Variants in ADA observed in about 807,000 individuals in gnomAD.
ADA encodes adenosine aminohydrolase.
A neutral mutation model predicts 49.0 loss-of-function variants in ADA; 45 were observed. That is an observed-to-expected ratio of 0.92 (90% CI 0.72 to 1.18). ADA has a LOEUF of 1.18. Among genes scored for constraint, ADA ranks in the 50% most tolerant of loss-of-function variants. The pLI is 0.00. For missense variants in ADA, 445 were observed against 472.5 expected (o/e 0.94, Z 0.54); for synonymous variants, 173 against 184.2 (o/e 0.94, Z 0.49).
At position 44,621,048 on chromosome 20, in the gene ADA, C is replaced by T. The variant is rs889823379; in HGVS notation, c.945G>A (p.Met315Ile). 11 of 1,613,998 alleles carry T rather than the reference C, an allele frequency of 6.8e-6. No homozygotes were observed. The African/African-American group carries it at 1.5e-4, about 22-fold the overall frequency. The change falls in exon 10 of 12, where the codon ATG (methionine) becomes ATA (isoleucine). Residue 315 changes from methionine (M) to isoleucine (I), a missense_variant. Physicochemically the swap from Met to Ile is conservative, Grantham distance 10 (BLOSUM62 1). Transcript: ENST00000372874. ...DTDYQMTKRD[M>I]GFTEEEFKRL... ...TTTTAAACTCCTCTTCAGTAAAGCCCATGTCCCGTTTGGTCATCTGGTAAT... is the reference window on the plus strand; with the variant it reads ...TTTTAAACTCCTCTTCAGTAAAGCCTATGTCCCGTTTGGTCATCTGGTAAT...
chr20:44,624,309 C>G lies in ADA; in HGVS notation c.499G>C (p.Glu167Gln). 6.2e-7 allele frequency: 1 copy of G among 1,613,840 alleles called. No individual in the cohort carries two copies. The highest frequency in any genetic ancestry group is 8.5e-7 in the Non-Finnish European group (1 of 1,179,938). Reference protein sequence around the residue: ...HQPNWSPKVVELCKKYQQQTV... With the variant: ...HQPNWSPKVVQLCKKYQQQTV... The stretch of plus-strand genomic sequence containing the variant: ...TGCTGCTGGTACTTCTTACACAGCT[C>G]CACCACCTTGGGGGACCAGTCTGTG... Residue 167 changes from glutamate to glutamine, a missense_variant, in exon 6 of 12, where the codon GAG becomes CAG. By Grantham distance (29) the Glu-to-Gln change is conservative. Transcript: ENST00000372874.
At chr20:44,630,149 A>G (rs1275708728) in intron 2 of ADA, among the ~76,000 whole-genome samples, 3 of 152,084 alleles carry the variant, frequency 2.0e-5, no homozygotes. Flanking sequence ...GATTGAGACT[A>G]TCCTGGCCAA....
At position 44,619,641 on chromosome 20, in the gene ADA, G is replaced by A; in HGVS notation, c.*193C>T. On this transcript the variant is annotated 3_prime_UTR_variant, in exon 12 of 12. Transcript: ENST00000372874. ...GCAAGGGCGCTGGTCCCTGGCCAGG[G>A]CACATAATCAGAGAAGTGACGCGGC... 2 of 690,922 alleles carry A rather than the reference G, an allele frequency of 2.9e-6. No individual in the cohort carries two copies. Among genetic ancestry groups the A allele is most frequent in the Non-Finnish European group, 5.0e-6 (2 of 399,048 alleles). The allele number at this position is 690,922 out of a possible 1,614,324, so 42.8% of individuals were successfully genotyped here.
intron 8 of ADA, 43 bp from the exon 9 acceptor site, chr20:44,622,695 A>G (rs764386125): frequency 1.9e-6 from 3 of 1,613,546 alleles, no homozygotes; most frequent in Non-Finnish European, 2.5e-6. Context: ...GCCCCAGGCC[A>G]TGCTGATTCC....
intron 1 of ADA, among the ~76,000 whole-genome samples, chr20:44,647,233 G>A (rs774931710): frequency 5.3e-5 from 8 of 151,938 alleles, no homozygotes; most frequent in Non-Finnish European, 7.4e-5. Context: ...TCGGGAGTTC[G>A]AGACCAGCCT....
At chr20:44,636,946 T>C (rs2065486367) in intron 1 of ADA, among the ~76,000 whole-genome samples, 3 of 152,094 alleles carry the variant, frequency 2.0e-5, no homozygotes, top group East Asian at 1.9e-4. Flanking sequence ...GCTGGGACTA[T>C]AGGCAGGTGC....
chr20:44,623,773 G>T, intron 6 of ADA, among the ~76,000 whole-genome samples: 1 of 141,228 alleles, frequency 7.1e-6, no homozygotes, highest in Admixed American at 7.1e-5. Context: ...TTTGAGACAG[G>T]GTCTCCCTCT....
chr20:44,642,667 G>A (rs562807290), intron 1 of ADA, among the ~76,000 whole-genome samples: 48 of 152,156 alleles, frequency 3.2e-4, no homozygotes, highest in Admixed American at 5.9e-4. Context: ...GTGTTAAATC[G>A]GAGAGTCCCC....
At chr20:44,621,946 C>T (rs1219968719) in intron 9 of ADA, among the ~76,000 whole-genome samples, 8 of 152,358 alleles carry the variant, frequency 5.3e-5, no homozygotes, top group Admixed American at 1.3e-4. Flanking sequence ...GTCATCAGAA[C>T]ATCAGAGCCG....
In ADA at chr20:44,624,201, C is replaced by A. The variant is rs747762398; in HGVS notation, c.606+1G>T. On this transcript the variant is annotated splice_donor_variant, in intron 6 of 11. Coordinates refer to ENST00000372874, the MANE Select transcript of ADA (RefSeq NM_000022.4). LOFTEE classifies it high-confidence loss of function. ...TCTCCATTCCTTCTCACAGGACCCA[C>A]CTGGTAGGCCTGGACATGTCCAGGC... is the stretch of plus-strand genomic sequence containing the variant. 6.2e-7 allele frequency: 1 copy of A among 1,610,296 alleles called. No homozygotes were observed. The highest frequency in any genetic ancestry group is 1.3e-5 in the African/African-American group (1 of 74,974).
rs141234930 is a variant in ADA at position 44,628,381 on chromosome 20, G to A, written c.218+666C>T. Among the ~76,000 whole-genome samples, 636 of 152,206 alleles carry A rather than the reference G, an allele frequency of 4.2e-3. 10 individuals carry two copies. Among genetic ancestry groups the A allele is most frequent in the African/African-American group, 0.015 (602 of 41,514 alleles). ...CTCTACTAAAAATACAAAACCATTA[G>A]TTGGGTGTGATGGTGGGTGCCTGTG... is the stretch of plus-strand genomic sequence containing the variant. On this transcript the variant is annotated intron_variant, in intron 3 of 11. Transcript: ENST00000372874.
chr20:44,627,540 A>G (rs1456793258), intron 3 of ADA, among the ~76,000 whole-genome samples: 1 of 152,150 alleles, frequency 6.6e-6, no homozygotes, highest in Non-Finnish European at 1.5e-5. Flanking sequence ...TTTTTCTCCC[A>G]GGTCCTTATC....
intron 1 of ADA, among the ~76,000 whole-genome samples, chr20:44,640,203 T>C (rs942511566): frequency 3.3e-5 from 5 of 152,032 alleles, no homozygotes; most frequent in Non-Finnish European, 7.4e-5. Context: ...CACTTGAGGT[T>C]AGGAGTTCAA....
chr20:44,621,199 T>C (rs1568842598), intron 9 of ADA, 52 bp from the exon 10 acceptor site: 7 of 1,612,056 alleles, frequency 4.3e-6, no homozygotes, highest in Middle Eastern at 1.7e-4. Flanking sequence ...CTTACATAAA[T>C]AGTCAGAACA....
At chr20:44,646,897 G>A (rs374627913) in intron 1 of ADA, among the ~76,000 whole-genome samples, 64 of 152,134 alleles carry the variant, frequency 4.2e-4, no homozygotes, top group African/African-American at 1.5e-3. Context: ...TAGCTCTGCT[G>A]CTTGCCAGCT....
chr20:44,626,958 C>T (rs183408486), intron 3 of ADA, among the ~76,000 whole-genome samples: 5 of 152,228 alleles, frequency 3.3e-5, no homozygotes, highest in East Asian at 1.9e-4. Flanking sequence ...CTTCCTGCCA[C>T]GGAGAGTGAC....
intron 1 of ADA, among the ~76,000 whole-genome samples, chr20:44,644,178 G>GC (rs11481765): frequency 1 from 148,607 of 148,616 alleles, 74,299 homozygotes; most frequent in Non-Finnish European, 1. Flanking sequence ...CGCCCTGCTC[G>GC]CCTCCGGCAG....
chr20:44,635,139 G>A (rs1311547033), intron 2 of ADA, among the ~76,000 whole-genome samples: 1 of 152,236 alleles, frequency 6.6e-6, no homozygotes, highest in East Asian at 1.9e-4. Flanking sequence ...GCCCTTAAAA[G>A]CTGGTCCTAA....
intron 1 of ADA, among the ~76,000 whole-genome samples, chr20:44,649,745 T>TC (rs1245244849): frequency 2.1e-4 from 31 of 145,832 alleles, no homozygotes; most frequent in African/African-American, 8.0e-4. Flanking sequence ...TTTTTTTTTT[T>TC]TTTTTTTTGA....
Sources: allele counts gnomAD v4.1 joint callset (sites outside exome capture counted in the v4.1 genomes callset), GRCh38; gene constraint gnomAD v4.1.1; transcripts MANE v1.5; gene names NCBI Gene and HGNC (gene_info 2026-07-23, HGNC 2026-07-21).